The following SIPA1L3 variants were observed in gnomAD, a reference collection of about 807,000 sequenced individuals.
The protein encoded by SIPA1L3 is signal induced proliferation associated 1 like 3.
Under a neutral mutation model 150.1 loss-of-function variants are expected in SIPA1L3, and 59 were observed. The observed-to-expected ratio is 0.39, with a 90% CI of 0.32 to 0.49. SIPA1L3 has a LOEUF of 0.49. Among genes scored for constraint, SIPA1L3 ranks in the 20% least tolerant of loss-of-function variants. SIPA1L3 has a pLI of 0.86. For synonymous variants in SIPA1L3, 1,070 were observed against 1,077.6 expected (o/e 0.99, Z 0.14); for missense variants, 2,211 against 2,489.5 (o/e 0.89, Z 2.38).
At chr19:38,166,570 G>A (rs1459851490) in intron 15 of SIPA1L3, among the ~76,000 whole-genome samples, 2 of 152,100 alleles carry the variant, frequency 1.3e-5, no homozygotes, top group African/African-American at 4.8e-5. Context: ...TCCAGAAAAG[G>A]GCACAGAGAT....
At chr19:38,092,137 G>C (rs1344864082) in intron 4 of SIPA1L3, among the ~76,000 whole-genome samples, 1 of 151,910 alleles carries the variant, frequency 6.6e-6, no homozygotes, top group Non-Finnish European at 1.5e-5. Flanking sequence ...AGCATTTTGG[G>C]GTAAGAGGTT....
chr19:38,016,008 C>T (rs561571442), intron 1 of SIPA1L3, among the ~76,000 whole-genome samples: 1 of 152,342 alleles, frequency 6.6e-6, no homozygotes. Context: ...GATGCCATGA[C>T]TAGGAGTGAC....
intron 1 of SIPA1L3, among the ~76,000 whole-genome samples, chr19:38,017,378 A>G (rs916508509): frequency 3.3e-5 from 5 of 152,142 alleles, no homozygotes; most frequent in Non-Finnish European, 2.9e-5. Context: ...TCATTCTTAA[A>G]TCTTCCTTTT....
intron 1 of SIPA1L3, among the ~76,000 whole-genome samples, chr19:37,985,204 T>C (rs904637760): frequency 5.3e-5 from 8 of 151,742 alleles, no homozygotes; most frequent in African/African-American, 1.9e-4. Flanking sequence ...TTTTCTTTTT[T>C]TTTTTTTTTG....
intron 1 of SIPA1L3, among the ~76,000 whole-genome samples, chr19:37,911,558 G>A (rs2046378152): frequency 6.6e-6 from 1 of 151,148 alleles, no homozygotes; most frequent in African/African-American, 2.4e-5. Context: ...GCCCAGGCTG[G>A]AGTGCAGTGG....
intron 1 of SIPA1L3, among the ~76,000 whole-genome samples, chr19:38,005,470 C>T (rs963342017): frequency 6.6e-6 from 1 of 152,098 alleles, no homozygotes; most frequent in Non-Finnish European, 1.5e-5. Context: ...TCCCACCGTG[C>T]TGCCCACTAC....
At chr19:38,017,350 G>A (rs990613315) in intron 1 of SIPA1L3, among the ~76,000 whole-genome samples, 2 of 152,050 alleles carry the variant, frequency 1.3e-5, no homozygotes, top group African/African-American at 2.4e-5. Flanking sequence ...TGGAAAAACC[G>A]ATGAGACCCT....
intron 4 of SIPA1L3, among the ~76,000 whole-genome samples, chr19:38,095,554 G>A (rs996481336): frequency 2.0e-5 from 3 of 152,158 alleles, no homozygotes; most frequent in Non-Finnish European, 2.9e-5. Context: ...TGTTGCCCTC[G>A]ACTAGCTGAT....
chr19:38,094,831 C>T (rs998481071), intron 4 of SIPA1L3, among the ~76,000 whole-genome samples: 1 of 152,092 alleles, frequency 6.6e-6, no homozygotes, highest in African/African-American at 2.4e-5. Flanking sequence ...CTTTTGGAGG[C>T]CTACGCAGGT....
chr19:38,141,319 A>G lies in SIPA1L3; in HGVS notation c.3279A>G (p.Leu1093=), dbSNP rs573298532. The change falls in exon 11 of 22, where the codon CTA becomes CTG. Residue 1093 remains leucine, a synonymous_variant. Coordinates refer to ENST00000222345, the MANE Select transcript of SIPA1L3 (RefSeq NM_015073.3). The part of the protein sequence containing the change: ...QWSGPASHNS[L]PASKWATPTT... ...GCGGGCCCGCATCCCATAACTCTCT[A>G]CCAGCCTCCAAGTGGGCCACTCCAA... The G allele has an allele frequency of 3.7e-6, 6 of 1,613,488 alleles. No homozygotes were observed. In the African/African-American group the frequency reaches 6.7e-5, roughly 18 times the overall value.
intron 2 of SIPA1L3, among the ~76,000 whole-genome samples, chr19:38,051,486 G>C (rs959308327): frequency 6.6e-6 from 1 of 152,196 alleles, no homozygotes; most frequent in Admixed American, 6.5e-5. Context: ...TGGTTTTGAT[G>C]TAATGAACTG....
At position 38,082,725 on chromosome 19, in the gene SIPA1L3, C is replaced by T. The variant is rs767316012; in HGVS notation, c.1160C>T (p.Ser387Leu). 1.4e-5 allele frequency: 22 copies of T among 1,611,724 alleles called. No individual in the cohort carries two copies. Among genetic ancestry groups the T allele is most frequent in the Admixed American group, 8.3e-5 (5 of 59,990 alleles). ...AASAMASLTA[S>L]RAHSLGGLDP... is the part of the protein sequence containing the mutation. The stretch of plus-strand genomic sequence containing the variant: ...TCGGCCATGGCCTCCCTCACGGCCT[C>T]GCGGGCCCACAGCCTCGGAGGCCTG... Residue 387 changes from serine (S) to leucine (L), a missense_variant, in exon 3 of 22, where the codon TCG becomes TTG. Physicochemically the swap from Ser to Leu is moderately radical, Grantham distance 145 (BLOSUM62 -2). Around this residue, in one of 5 missense-constraint regions of SIPA1L3, gnomAD observed 587 missense variants for 534.5 expected, o/e 1.10. Coordinates refer to ENST00000222345, the MANE Select transcript of SIPA1L3 (RefSeq NM_015073.3).
rs1190194546 is a variant in SIPA1L3, at chr19:38,082,114, C to A, written c.549C>A (p.Asp183Glu). The A allele has an allele frequency of 1.9e-6, 3 of 1,607,784 alleles. No individual in the cohort carries two copies. The highest frequency in any genetic ancestry group is 2.5e-6 in the Non-Finnish European group (3 of 1,179,128). ...CCCTCAGCGAGTGTGACGCGGAGGA[C>A]GCGGGGGAGCCGCGGGGGGCCCGGC... ...EITLSECDAEDAGEPRGARHT... is the reference protein window; with the variant it reads ...EITLSECDAEEAGEPRGARHT... Residue 183 changes from aspartate (D) to glutamate (E), a missense_variant, in exon 3 of 22, where the codon GAC becomes GAA. This residue lies in a region of SIPA1L3 where 587 missense variants were observed against 534.5 expected (regional missense o/e 1.10). Coordinates refer to ENST00000222345, the MANE Select transcript of SIPA1L3 (RefSeq NM_015073.3).
At chr19:38,193,163 G>A (rs923906074) in intron 17 of SIPA1L3, among the ~76,000 whole-genome samples, 2 of 151,830 alleles carry the variant, frequency 1.3e-5, no homozygotes, top group African/African-American at 4.8e-5. Context: ...GCAATGTAAT[G>A]AGACCCTCAT....
chr19:38,154,265 C>G (rs752924349), intron 13 of SIPA1L3, among the ~76,000 whole-genome samples: 6 of 152,158 alleles, frequency 3.9e-5, no homozygotes, highest in Non-Finnish European at 5.9e-5. Context: ...TAAGCCACAA[C>G]TTATTGCCAC....
In SIPA1L3 at chr19:38,158,486, G is replaced by A. The variant is rs545711372; in HGVS notation, c.3662-3767G>A. ...GGAGCCTCTTGGGCCACGGGGAGGC[G>A]GTTGTCCTGTACTGAGAGTGGGACA... On this transcript the variant is annotated intron_variant, in intron 13 of 21. Coordinates refer to ENST00000222345, the MANE Select transcript of SIPA1L3 (RefSeq NM_015073.3). 6.6e-5 allele frequency among the ~76,000 whole-genome samples: 10 copies of A among 152,218 alleles called. No homozygotes were observed. The East Asian group carries it at 1.4e-3, about 21-fold the overall frequency.
intron 1 of SIPA1L3, among the ~76,000 whole-genome samples, chr19:37,958,417 C>G (rs769095269): frequency 3.3e-5 from 5 of 152,114 alleles, no homozygotes; most frequent in Non-Finnish European, 7.4e-5. Context: ...CCGAGTGAGT[C>G]CCTGTCTGAA....
chr19:37,979,895 G>A (rs1967161798), intron 1 of SIPA1L3, among the ~76,000 whole-genome samples: 1 of 152,240 alleles, frequency 6.6e-6, no homozygotes, highest in Non-Finnish European at 1.5e-5. Context: ...CTGGCGGTGG[G>A]TCTGTTGGTG....
chr19:37,993,603 C>G (rs1419294144), intron 1 of SIPA1L3, among the ~76,000 whole-genome samples: 2 of 152,290 alleles, frequency 1.3e-5, no homozygotes, highest in South Asian at 2.1e-4. Context: ...ATCGCAGATA[C>G]GTTCAGGGGA....
Sources: gnomAD v4.1 joint callset for allele counts (sites outside exome capture counted in the v4.1 genomes callset) on GRCh38, gnomAD v4.1.1 for gene constraint, gnomAD v4.1.1 regional missense constraint, MANE v1.5 for transcripts, NCBI Gene and HGNC (gene_info 2026-07-23, HGNC 2026-07-21) for gene names.